The following UNC13C variants were observed in gnomAD, a reference collection of about 807,000 sequenced individuals.
The protein encoded by UNC13C is unc-13 homolog C, also known as protein unc-13 homolog C.
A neutral mutation model predicts 245.4 loss-of-function variants in UNC13C; 174 were observed. The ratio of observed to expected loss-of-function variants is 0.71; its 90% CI spans 0.63 to 0.80. The LOEUF is 0.80. Ranked by LOEUF, UNC13C falls within the 30% of genes least tolerant of loss-of-function variation. The pLI, the probability that UNC13C is intolerant of heterozygous loss-of-function variation, is 0.00. For missense variants in UNC13C, 2,829 were observed against 2,602.9 expected (o/e 1.09, Z -1.89); for synonymous variants, 992 against 895.1 (o/e 1.11, Z -1.93).
intron 2 of UNC13C, among the ~76,000 whole-genome samples, chr15:54,129,053 A>G (rs1295567960): frequency 6.6e-6 from 1 of 152,208 alleles, no homozygotes; most frequent in Non-Finnish European, 1.5e-5. Flanking sequence ...CCCAAGATCA[A>G]TAGCTAATCT....
chr15:54,161,123 G>C (rs1355644759), intron 4 of UNC13C, among the ~76,000 whole-genome samples: 1 of 152,016 alleles, frequency 6.6e-6, no homozygotes, highest in Non-Finnish European at 1.5e-5. Context: ...TTTAGAAATA[G>C]GATCTTGCTC....
intron 30 of UNC13C, among the ~76,000 whole-genome samples, chr15:54,597,237 T>C (rs1290435833): frequency 2.6e-5 from 4 of 152,186 alleles, no homozygotes; most frequent in Non-Finnish European, 5.9e-5. Flanking sequence ...TGCAGCCCAG[T>C]TCCTAACAGG....
At chr15:54,409,611 A>T (rs1489893639) in intron 18 of UNC13C, among the ~76,000 whole-genome samples, 2 of 152,192 alleles carry the variant, frequency 1.3e-5, no homozygotes, top group African/African-American at 4.8e-5. Flanking sequence ...GCTCCCACTT[A>T]TAAGTGAGAA....
intron 18 of UNC13C, among the ~76,000 whole-genome samples, chr15:54,393,964 A>G (rs566176930): frequency 6.6e-6 from 1 of 151,956 alleles, no homozygotes; most frequent in Non-Finnish European, 1.5e-5. Flanking sequence ...CAGTCTGGTT[A>G]ATGAAGAGGA....
At chr15:54,139,120 C>T (rs1269553520) in intron 2 of UNC13C, among the ~76,000 whole-genome samples, 2 of 151,538 alleles carry the variant, frequency 1.3e-5, no homozygotes, top group African/African-American at 2.4e-5. Context: ...CCACCATGCC[C>T]AGCTAATTTT....
chr15:54,089,704 G>A (rs1899455895), intron 2 of UNC13C, among the ~76,000 whole-genome samples: 1 of 138,676 alleles, frequency 7.2e-6, no homozygotes, highest in Non-Finnish European at 1.5e-5. Context: ...CTTGCTGGTT[G>A]TGTGTTTGAT....
intron 19 of UNC13C, among the ~76,000 whole-genome samples, chr15:54,447,564 G>T (rs922729418): frequency 6.6e-6 from 1 of 152,296 alleles, no homozygotes; most frequent in Non-Finnish European, 1.5e-5. Flanking sequence ...TTGCATAGAG[G>T]TGTTTATATT....
chr15:53,923,574 G>T, the UNC13C span, among the ~76,000 whole-genome samples: 92 of 152,292 alleles, frequency 6.0e-4, no homozygotes, highest in African/African-American at 2.1e-3. Context: ...CCCATACATT[G>T]CATCTTCCTT....
intron 4 of UNC13C, among the ~76,000 whole-genome samples, chr15:54,203,021 C>T (rs1175383091): frequency 1.3e-5 from 2 of 151,558 alleles, no homozygotes; most frequent in Non-Finnish European, 2.9e-5. Context: ...ATACAATTCT[C>T]AAAGGAAGAT....
chr15:54,463,205 G>A (rs1035564204), intron 19 of UNC13C, among the ~76,000 whole-genome samples: 1 of 136,916 alleles, frequency 7.3e-6, no homozygotes, highest in Admixed American at 8.5e-5. Flanking sequence ...GGGCCAATCA[G>A]CTCTCAGTAA....
the UNC13C span, among the ~76,000 whole-genome samples, chr15:53,944,067 G>A: frequency 1.3e-5 from 2 of 149,734 alleles, no homozygotes; most frequent in South Asian, 4.2e-4. Context: ...AATCTACTCT[G>A]TTAATATCTG....
intron 2 of UNC13C, among the ~76,000 whole-genome samples, chr15:54,136,292 C>T (rs1160515183): frequency 6.6e-6 from 1 of 152,094 alleles, no homozygotes; most frequent in Non-Finnish European, 1.5e-5. Context: ...CATGTGCCAC[C>T]ATGCCCTGCA....
chr15:54,473,952 T>C (rs922875659), intron 19 of UNC13C, among the ~76,000 whole-genome samples: 1 of 151,934 alleles, frequency 6.6e-6, no homozygotes, highest in African/African-American at 2.4e-5. Flanking sequence ...TACACCTTTT[T>C]AAATGAGAAC....
At position 54,105,271 on chromosome 15, in the gene UNC13C, G is replaced by A. The variant is rs181388357; in HGVS notation, c.2984-37747G>A. Reference sequence around the variant, plus strand: ...CAGTAACAGTCTAACTGCCCGTGATGGTGAACAGGACATGGGGGGGTCTCA... The same window carrying A: ...CAGTAACAGTCTAACTGCCCGTGATAGTGAACAGGACATGGGGGGGTCTCA... On this transcript the variant is annotated intron_variant, in intron 2 of 32. Transcript: ENST00000260323. Among the ~76,000 whole-genome samples, 8 of 152,236 alleles carry A rather than the reference G, an allele frequency of 5.3e-5. 1 individual carries two copies. The highest frequency in any genetic ancestry group is 1.9e-4 in the African/African-American group (8 of 41,536).
intron 17 of UNC13C, among the ~76,000 whole-genome samples, chr15:54,370,911 CAT>C (rs1219093020): frequency 5.9e-5 from 9 of 152,130 alleles, no homozygotes; most frequent in Admixed American, 2.0e-4. Context: ...CATGAAATCA[CAT>C]GTTAGTGTAC....
At chr15:54,532,292 C>T (rs151196987) in intron 25 of UNC13C, among the ~76,000 whole-genome samples, 33 of 152,144 alleles carry the variant, frequency 2.2e-4, no homozygotes, top group Non-Finnish European at 3.7e-4. Flanking sequence ...GACCTAAAGA[C>T]AGAAATACCA....
rs186907742 is a variant in UNC13C, at chr15:54,013,143, C to G, written c.240C>G (p.Asp80Glu). The stretch of plus-strand genomic sequence containing the variant: ...CTCACAACTTATCCACTGAGGAAGA[C>G]GAGGCCAGTAAAGAGTTTTCCCTCT... ...SSTHNLSTEE[D>E]EASKEFSLSP... Residue 80 changes from aspartate to glutamate, a missense_variant, in exon 2 of 33, where the codon GAC (aspartate) becomes GAG (glutamate). Physicochemically the swap from Asp to Glu is conservative, Grantham distance 45. Coordinates refer to ENST00000260323, the MANE Select transcript of UNC13C (RefSeq NM_001080534.3). The G allele has an allele frequency of 1.8e-5, 29 of 1,613,822 alleles. No homozygotes were observed. Among genetic ancestry groups the G allele is most frequent in the Non-Finnish European group, 2.5e-5 (29 of 1,179,844 alleles).
intron 19 of UNC13C, among the ~76,000 whole-genome samples, chr15:54,473,652 A>C (rs1021888267): frequency 6.6e-6 from 1 of 151,910 alleles, no homozygotes; most frequent in Non-Finnish European, 1.5e-5. Flanking sequence ...ATGTTGCTGC[A>C]AGTGCAAGAT....
intron 2 of UNC13C, among the ~76,000 whole-genome samples, chr15:54,023,417 T>A (rs949005451): frequency 6.6e-6 from 1 of 152,246 alleles, no homozygotes; most frequent in Non-Finnish European, 1.5e-5. Flanking sequence ...TGTAGTTACA[T>A]ACTGAGCTCT....
Sources: gnomAD v4.1 joint callset for allele counts (sites outside exome capture counted in the v4.1 genomes callset) on GRCh38, gnomAD v4.1.1 for gene constraint, MANE v1.5 for transcripts, NCBI Gene and HGNC (gene_info 2026-07-23, HGNC 2026-07-21) for gene names.